The following TBC1D31 variants were observed in gnomAD, a reference collection of about 807,000 sequenced individuals.
TBC1D31 encodes the protein TBC1 domain family member 31, also known as WD repeat domain 67.
Under a neutral mutation model 132.9 loss-of-function variants are expected in TBC1D31, and 99 were observed. The observed-to-expected ratio is 0.74, with a 90% CI of 0.63 to 0.88. The LOEUF (loss-of-function observed/expected upper bound fraction) is 0.88. TBC1D31 is among the 40% of genes least tolerant of loss of function. The pLI is 0.00. For missense variants in TBC1D31, 1,134 were observed against 1,256.6 expected, an observed-to-expected ratio of 0.90 and a Z score of 1.48; for synonymous variants, 385 against 419.4, an observed-to-expected ratio of 0.92 and a Z score of 1.00.
chr8:123,103,652 A>G (rs1817659535), intron 7 of TBC1D31: 1 of 152,192 alleles, frequency 6.6e-6, no homozygotes, highest in Non-Finnish European at 1.5e-5. Flanking sequence ...TGAACTCCTG[A>G]CCTTGGTGAT....
At chr8:123,149,122 G>C (rs1450233469) in intron 20 of TBC1D31, among the ~76,000 whole-genome samples, 1 of 152,064 alleles carries the variant, frequency 6.6e-6, no homozygotes, top group Non-Finnish European at 1.5e-5. Context: ...TTTCCGCTGA[G>C]TTCTGTCCGC....
At position 123,094,166 on chromosome 8, in the gene TBC1D31, G is replaced by A. The variant is rs188851110; in HGVS notation, c.671+424G>A. On this transcript the variant is annotated intron_variant, in intron 5 of 21. Coordinates refer to ENST00000287380, the MANE Select transcript of TBC1D31 (RefSeq NM_145647.4). The stretch of plus-strand genomic sequence containing the variant: ...TGCAACCTCTGTCTCCCGGGTTCAC[G>A]CGATTCTTCTGCCTCAGCCTCCCGA... Among the ~76,000 whole-genome samples the A allele has an allele frequency of 6.6e-4, 101 of 152,000 alleles. No individual in the cohort carries two copies. The East Asian group carries it at 0.014, about 21-fold the overall frequency.
chr8:123,120,397 C>G (rs1289573411), intron 11 of TBC1D31, among the ~76,000 whole-genome samples: 1 of 152,198 alleles, frequency 6.6e-6, no homozygotes, highest in Non-Finnish European at 1.5e-5. Context: ...GGAGGCCGGG[C>G]ACGGTGGCTC....
At chr8:123,145,068 C>T (rs114410927) in intron 20 of TBC1D31, among the ~76,000 whole-genome samples, 5 of 152,070 alleles carry the variant, frequency 3.3e-5, no homozygotes, top group African/African-American at 9.6e-5. Flanking sequence ...GGACCATAGG[C>T]GTGTATCCCC....
intron 6 of TBC1D31, among the ~76,000 whole-genome samples, chr8:123,099,281 G>A (rs1334797127): frequency 2.0e-5 from 3 of 151,862 alleles, no homozygotes; most frequent in Non-Finnish European, 4.4e-5. Context: ...CACCACGCCC[G>A]GCTAATTTTT....
chr8:123,158,572 C>T, the TBC1D31 span, among the ~76,000 whole-genome samples: 1 of 152,198 alleles, frequency 6.6e-6, no homozygotes, highest in African/African-American at 2.4e-5. Flanking sequence ...CGGCACAACT[C>T]TGTCAACTTT....
At chr8:123,073,722 G>T (rs183674700) in intron 1 of TBC1D31, among the ~76,000 whole-genome samples, 10 of 152,070 alleles carry the variant, frequency 6.6e-5, no homozygotes, top group Non-Finnish European at 1.3e-4. Context: ...GTCTTGCTCT[G>T]TCGCCTGGGC....
chr8:123,128,571 A>G (rs1274730461), intron 14 of TBC1D31, 58 bp downstream of exon 14: 12 of 1,340,214 alleles, frequency 9.0e-6, no homozygotes, highest in Non-Finnish European at 1.2e-5. Context: ...TAAACATAAG[A>G]AAGTTTTAAT....
intron 7 of TBC1D31, among the ~76,000 whole-genome samples, chr8:123,104,793 G>A (rs1817765270): frequency 6.6e-6 from 1 of 152,122 alleles, no homozygotes; most frequent in African/African-American, 2.4e-5. Context: ...TCACTAAGCA[G>A]ATTAAAACAT....
intron 14 of TBC1D31, 140 bp from the exon 15 acceptor site, chr8:123,128,926 T>C: frequency 1.7e-6 from 1 of 603,062 alleles, no homozygotes; most frequent in Non-Finnish European, 2.7e-6. Context: ...AAATCAGAGT[T>C]TGAAGGCTAG....
chr8:123,126,932 G>A lies in TBC1D31; in HGVS notation c.1884+245G>A, dbSNP rs542636637. On this transcript the variant is annotated intron_variant, in intron 13 of 21. Coordinates refer to ENST00000287380, the MANE Select transcript of TBC1D31 (RefSeq NM_145647.4). ...AATTTTTGTATTTTTAGTAGAGATG[G>A]GGTTTCACCATGCTGTCAGGGTGGT... 1.8e-3 allele frequency among the ~76,000 whole-genome samples: 269 copies of A among 152,056 alleles called. 1 individual carries two copies. The highest frequency in any genetic ancestry group is 3.0e-3 in the Non-Finnish European group (202 of 67,976).
At chr8:123,124,859 C>A (rs1311082658) in intron 11 of TBC1D31, among the ~76,000 whole-genome samples, 2 of 151,190 alleles carry the variant, frequency 1.3e-5, no homozygotes, top group Non-Finnish European at 2.9e-5. Flanking sequence ...ATCACTTGAA[C>A]CCGGGAGGCA....
chr8:123,124,121 G>A (rs1029604319), intron 11 of TBC1D31, among the ~76,000 whole-genome samples: 1 of 150,346 alleles, frequency 6.7e-6, no homozygotes, highest in Non-Finnish European at 1.5e-5. Context: ...ATGCTTCTAA[G>A]TAAGCACAAT....
downstream of TBC1D31, among the ~76,000 whole-genome samples, chr8:123,152,911 A>G (rs1009000429): frequency 1.3e-5 from 2 of 152,196 alleles, no homozygotes; most frequent in South Asian, 4.1e-4. Flanking sequence ...TTCCTGGCCC[A>G]GTGCTTGACA....
chr8:123,159,835 G>A, the TBC1D31 span, among the ~76,000 whole-genome samples: 3 of 152,006 alleles, frequency 2.0e-5, no homozygotes, highest in African/African-American at 4.8e-5. Flanking sequence ...ACGCTGAGGG[G>A]TGGCAACTGT....
At chr8:123,161,755 A>C in the TBC1D31 span, among the ~76,000 whole-genome samples, 1 of 152,068 alleles carries the variant, frequency 6.6e-6, no homozygotes, top group Non-Finnish European at 1.5e-5. Flanking sequence ...ATTGGCTCAC[A>C]CCTGTAATCC....
At chr8:123,150,248 T>C (rs1822643985) in intron 21 of TBC1D31, 120 bp downstream of exon 21, 1 of 725,442 alleles carries the variant, frequency 1.4e-6, no homozygotes, top group Non-Finnish European at 2.3e-6. Flanking sequence ...GCACTGATAA[T>C]GGAAATCCTA....
At chr8:123,126,428 C>T (rs1820038956) in intron 12 of TBC1D31, 80 bp from the exon 13 acceptor site, 9 of 1,322,284 alleles carry the variant, frequency 6.8e-6, no homozygotes, top group Non-Finnish European at 8.3e-6. Context: ...TAGCTTAAAT[C>T]GAATGTAAGG....
chr8:123,097,027 G>A lies in TBC1D31; in HGVS notation c.672-255G>A, dbSNP rs114738467. Among the ~76,000 whole-genome samples, 692 of 152,016 alleles carry A rather than the reference G, an allele frequency of 4.6e-3. 5 individuals are homozygous for A. Among genetic ancestry groups the A allele is most frequent in the African/African-American group, 0.016 (645 of 41,494 alleles). ...GGTAAACTGGTGCCTTAGCACAGTA[G>A]GTAAAAAAAATATATACTATAAACC... On this transcript the variant is annotated intron_variant, in intron 5 of 21. Coordinates refer to ENST00000287380, the MANE Select transcript of TBC1D31 (RefSeq NM_145647.4).
Sources: gnomAD v4.1 joint callset for allele counts (sites outside exome capture counted in the v4.1 genomes callset) on GRCh38, gnomAD v4.1.1 for gene constraint, MANE v1.5 for transcripts, NCBI Gene and HGNC (gene_info 2026-07-23, HGNC 2026-07-21) for gene names.